The following MALRD1 variants were observed in gnomAD, a reference collection of about 807,000 sequenced individuals.
The protein encoded by MALRD1 is MAM and LDL receptor class A domain containing 1.
In MALRD1, 247 loss-of-function variants were observed where a neutral mutation model predicts 242.1. That is an observed-to-expected ratio of 1.02 (90% CI 0.92 to 1.13). MALRD1 has a LOEUF of 1.13. Ranked by LOEUF, MALRD1 falls within the 50% of genes most tolerant of loss-of-function variation. MALRD1 has a pLI of 0.00. For synonymous variants in MALRD1, 995 were observed against 866.6 expected (o/e 1.15, Z -2.60); for missense variants, 2,989 against 2,533.1 (o/e 1.18, Z -3.86).
chr10:19,556,621 T>G (rs1004518357), intron 32 of MALRD1, among the ~76,000 whole-genome samples: 1 of 152,166 alleles, frequency 6.6e-6, no homozygotes, highest in Non-Finnish European at 1.5e-5. Flanking sequence ...CAGAATAAGA[T>G]TCCATACTAT....
intron 27 of MALRD1, 200 bp from the exon 28 acceptor site, chr10:19,389,252 T>C (rs564789372): frequency 1.4e-6 from 1 of 691,086 alleles, no homozygotes; most frequent in Non-Finnish European, 2.6e-6. Context: ...AAGCACGTGC[T>C]AAAAGCACAG....
At chr10:19,430,138 G>A (rs1834067218) in intron 28 of MALRD1, among the ~76,000 whole-genome samples, 1 of 13,318 alleles carries the variant, frequency 7.5e-5, no homozygotes, top group African/African-American at 2.6e-4. Flanking sequence ...TTTTTGAGAT[G>A]GAGGCTCACT....
At chr10:19,716,744 AACTGTT>A (rs1834409602) in intron 38 of MALRD1, 1 of 152,204 alleles carries the variant, frequency 6.6e-6, no homozygotes, top group Admixed American at 6.5e-5. Context: ...AGAATTTTTG[AACTGTT>A]ACATTAAAAA....
chr10:19,443,460 T>C (rs1834783887), intron 28 of MALRD1, among the ~76,000 whole-genome samples: 1 of 152,212 alleles, frequency 6.6e-6, no homozygotes, highest in Admixed American at 6.5e-5. Flanking sequence ...GGGCATTTAG[T>C]GCTATAAATT....
Position 19,134,736 on chromosome 10 carries a change from C to CT in MALRD1, c.1203+795dup, listed in dbSNP as rs543627468. 5.1e-4 allele frequency among the ~76,000 whole-genome samples: 77 copies of CT among 152,180 alleles called. 1 individual carries two copies. In the South Asian group the frequency reaches 0.012, roughly 24 times the overall value. On this transcript the variant is annotated intron_variant, in intron 9 of 39. Coordinates refer to ENST00000454679, the MANE Select transcript of MALRD1 (RefSeq NM_001142308.3). ...AACTTCTCAGGTACTAAACAAGTTT[C>CT]TTTTTTTATAAACTGAAGATTAAAT...
chr10:19,462,123 C>G (rs532405074), intron 29 of MALRD1, among the ~76,000 whole-genome samples: 3 of 152,224 alleles, frequency 2.0e-5, no homozygotes, highest in African/African-American at 7.2e-5. Context: ...GCTGGGTATA[C>G]AAATCATATT....
At chr10:19,110,928 G>T (rs1836656659) in intron 5 of MALRD1, among the ~76,000 whole-genome samples, 1 of 152,138 alleles carries the variant, frequency 6.6e-6, no homozygotes, top group Non-Finnish European at 1.5e-5. Context: ...CCTACTGTAG[G>T]GAAGTTAGGA....
At chr10:19,333,282 C>G (rs1843467321) in intron 24 of MALRD1, among the ~76,000 whole-genome samples, 1 of 152,082 alleles carries the variant, frequency 6.6e-6, no homozygotes, top group Admixed American at 6.6e-5. Flanking sequence ...AGATTTTTAG[C>G]CCTTTTCCTC....
At chr10:19,135,219 A>C (rs2131409642) in intron 9 of MALRD1, among the ~76,000 whole-genome samples, 1 of 152,112 alleles carries the variant, frequency 6.6e-6, no homozygotes, top group Non-Finnish European at 1.5e-5. Context: ...CAGTGATGGG[A>C]TTTTGTCTCA....
chr10:19,397,801 C>T (rs995389015), intron 28 of MALRD1, among the ~76,000 whole-genome samples: 3 of 151,786 alleles, frequency 2.0e-5, no homozygotes, highest in South Asian at 2.1e-4. Context: ...AGTTCCACAA[C>T]GTTGCTAACA....
chr10:19,445,786 C>A lies in MALRD1; in HGVS notation c.4846-4521C>A, dbSNP rs549429351. On this transcript the variant is annotated intron_variant, in intron 28 of 39. Transcript: ENST00000454679. Reference sequence around the variant, plus strand: ...AGGCAGTCTGTCTGTTCTCAGATCTCAAACTCCGTGCTGGGAGAACCACTA... The same window carrying A: ...AGGCAGTCTGTCTGTTCTCAGATCTAAAACTCCGTGCTGGGAGAACCACTA... Among the ~76,000 whole-genome samples the A allele has an allele frequency of 1.7e-4, 26 of 152,344 alleles. No individual in the cohort carries two copies. The East Asian group carries it at 4.5e-3, about 26-fold the overall frequency.
At chr10:19,248,514 T>C (rs1839163734) in intron 18 of MALRD1, among the ~76,000 whole-genome samples, 2 of 151,976 alleles carry the variant, frequency 1.3e-5, no homozygotes, top group Non-Finnish European at 2.9e-5. Flanking sequence ...TAAATAACTG[T>C]TTAAATTGGT....
At chr10:19,585,901 A>G (rs1837367795) in intron 33 of MALRD1, among the ~76,000 whole-genome samples, 1 of 151,880 alleles carries the variant, frequency 6.6e-6, no homozygotes, top group Non-Finnish European at 1.5e-5. Context: ...ATAGTCCCAT[A>G]TTTCTTGGAG....
At chr10:19,133,084 A>G (rs1245379429) in intron 8 of MALRD1, among the ~76,000 whole-genome samples, 2 of 151,970 alleles carry the variant, frequency 1.3e-5, no homozygotes, top group Non-Finnish European at 2.9e-5. Context: ...GATTACAGGC[A>G]CCCACCACCA....
chr10:19,483,414 G>T (rs987083883), intron 29 of MALRD1, among the ~76,000 whole-genome samples: 2 of 151,978 alleles, frequency 1.3e-5, no homozygotes, highest in Non-Finnish European at 2.9e-5. Context: ...ATGCAACAAA[G>T]GTCTAATATT....
chr10:19,431,988 A>G (rs1270221829), intron 28 of MALRD1, among the ~76,000 whole-genome samples: 4 of 152,086 alleles, frequency 2.6e-5, no homozygotes, highest in African/African-American at 4.8e-5. Context: ...ACGTTCTACC[A>G]TATGAATTTT....
rs374162385 is a variant in MALRD1 at position 19,113,474 on chromosome 10, C to T, written c.694+9399C>T. Among the ~76,000 whole-genome samples the T allele has an allele frequency of 9.9e-5, 15 of 151,708 alleles. No individual in the cohort carries two copies. The East Asian group carries it at 1.4e-3, about 14-fold the overall frequency. On this transcript the variant is annotated intron_variant, in intron 5 of 39. Coordinates refer to ENST00000454679, the MANE Select transcript of MALRD1 (RefSeq NM_001142308.3). ...CTTCTCATTTTTCCTCTCCTTCATC[C>T]TCTCCCTATACTCCCCACCTTCTCT...
chr10:19,723,473 C>T (rs1300824753), intron 38 of MALRD1, among the ~76,000 whole-genome samples: 1 of 152,094 alleles, frequency 6.6e-6, no homozygotes, highest in Non-Finnish European at 1.5e-5. Context: ...GTGGCTCACA[C>T]CCATAATCCC....
intron 21 of MALRD1, among the ~76,000 whole-genome samples, chr10:19,304,455 TC>T (rs1233942351): frequency 6.6e-6 from 1 of 151,740 alleles, no homozygotes; most frequent in Non-Finnish European, 1.5e-5. Context: ...CATATCCGTT[TC>T]AAAATTACAT....
Sources: gnomAD v4.1 joint callset for allele counts (sites outside exome capture counted in the v4.1 genomes callset) on GRCh38, gnomAD v4.1.1 for gene constraint, MANE v1.5 for transcripts, NCBI Gene and HGNC (gene_info 2026-07-23, HGNC 2026-07-21) for gene names.